The following ST6GALNAC3 variants were observed in gnomAD, a reference collection of about 807,000 sequenced individuals.
ST6GALNAC3 encodes the protein alpha-N-acetylgalactosaminide alpha-2,6-sialyltransferase 3.
ST6GALNAC3 carries 25 observed loss-of-function variants against 32.7 expected under a neutral mutation model. The observed-to-expected ratio is 0.76, with a 90% confidence interval of 0.56 to 1.07. ST6GALNAC3 has a LOEUF of 1.07. Among genes scored for constraint, ST6GALNAC3 ranks in the 50% least tolerant of loss-of-function variants. The probability of loss-of-function intolerance (pLI) is 0.00; values close to 1 mark genes in which losing one functional copy is unlikely to be tolerated. For missense variants in ST6GALNAC3, 355 were observed against 382.4 expected (o/e 0.93, Z 0.60); for synonymous variants, 129 against 133.1 (o/e 0.97, Z 0.21).
chr1:76,629,664 G>T lies in ST6GALNAC3; in HGVS notation c.*858G>T. The stretch of plus-strand genomic sequence containing the variant: ...TATACTGTGAAAACATTCCTAAAAA[G>T]TAACCAAAGGGTTTGCTAACTCTGC... On this transcript the variant is annotated 3_prime_UTR_variant, in exon 5 of 5. Coordinates refer to ENST00000328299, the MANE Select transcript of ST6GALNAC3 (RefSeq NM_152996.4). The T allele has an allele frequency of 1.0e-6, 1 of 985,424 alleles. No individual in the cohort carries two copies. 61.0% of individuals were successfully genotyped at this position (985,424 alleles called of 1,614,324 possible).
At chr1:76,124,680 T>A (rs1649128726) in intron 1 of ST6GALNAC3, among the ~76,000 whole-genome samples, 1 of 152,204 alleles carries the variant, frequency 6.6e-6, no homozygotes, top group African/African-American at 2.4e-5. Flanking sequence ...TCCCAGTCTT[T>A]CTTTATGTGG....
chr1:76,341,606 T>TTTCTTTCTTTCTTTCTTTCC (rs1647981296), intron 2 of ST6GALNAC3, among the ~76,000 whole-genome samples: 1 of 35,292 alleles, frequency 2.8e-5, no homozygotes, highest in Non-Finnish European at 5.6e-5. Flanking sequence ...CCAAACTGCT[T>TTTCTTTCTTTCTTTCTTTCC]TTCTTTCTTT....
chr1:76,118,350 T>C (rs1648627680), intron 1 of ST6GALNAC3, among the ~76,000 whole-genome samples: 1 of 152,254 alleles, frequency 6.6e-6, no homozygotes, highest in Admixed American at 6.5e-5. Flanking sequence ...TGCTATTTGC[T>C]CTTTTACCTT....
chr1:76,425,034 A>T (rs1455472509), intron 3 of ST6GALNAC3, among the ~76,000 whole-genome samples: 1 of 151,974 alleles, frequency 6.6e-6, no homozygotes, highest in Non-Finnish European at 1.5e-5. Context: ...TCGTTTTATG[A>T]TTTTGCAGAT....
At chr1:76,388,561 T>C (rs1381376610) in intron 2 of ST6GALNAC3, among the ~76,000 whole-genome samples, 1 of 152,194 alleles carries the variant, frequency 6.6e-6, no homozygotes, top group Non-Finnish European at 1.5e-5. Flanking sequence ...GTTGTTACTA[T>C]GGAAAGGACT....
chr1:76,138,547 A>T (rs988922966), intron 1 of ST6GALNAC3, among the ~76,000 whole-genome samples: 13 of 152,186 alleles, frequency 8.5e-5, no homozygotes, highest in Non-Finnish European at 1.5e-5. Flanking sequence ...TGCAGTTCCC[A>T]TGCTCTTCCC....
chr1:76,465,730 G>T (rs553731082), intron 3 of ST6GALNAC3, among the ~76,000 whole-genome samples: 13 of 152,004 alleles, frequency 8.6e-5, no homozygotes, highest in African/African-American at 3.1e-4. Flanking sequence ...AATGTAATTG[G>T]TAGACAGATT....
At chr1:76,197,155 C>A (rs898202867) in intron 1 of ST6GALNAC3, among the ~76,000 whole-genome samples, 1 of 152,214 alleles carries the variant, frequency 6.6e-6, no homozygotes, top group East Asian at 1.9e-4. Context: ...ATCATTGCCA[C>A]TTTTCTGAAC....
intron 2 of ST6GALNAC3, among the ~76,000 whole-genome samples, chr1:76,373,003 G>A (rs1650951125): frequency 6.6e-6 from 1 of 151,652 alleles, no homozygotes; most frequent in Admixed American, 6.6e-5. Context: ...TGCTATGTTG[G>A]CCAGGCTGGT....
chr1:76,594,252 A>C (rs1279635995), intron 3 of ST6GALNAC3, among the ~76,000 whole-genome samples: 1 of 152,192 alleles, frequency 6.6e-6, no homozygotes, highest in African/African-American at 2.4e-5. Flanking sequence ...TTTTAGAGAC[A>C]TAGCAGTCTC....
intron 3 of ST6GALNAC3, among the ~76,000 whole-genome samples, chr1:76,505,497 T>A (rs560723074): frequency 1.3e-5 from 2 of 152,296 alleles, no homozygotes; most frequent in East Asian, 3.9e-4. Context: ...TTGTCCTACA[T>A]CATCAATTAT....
chr1:76,380,195 T>G (rs1268298502), intron 2 of ST6GALNAC3, among the ~76,000 whole-genome samples: 3 of 152,170 alleles, frequency 2.0e-5, no homozygotes, highest in Non-Finnish European at 4.4e-5. Flanking sequence ...GATTGTGGGA[T>G]GAGCAATGAA....
At chr1:76,622,584 G>A (rs1287715983) in intron 3 of ST6GALNAC3, among the ~76,000 whole-genome samples, 1 of 151,776 alleles carries the variant, frequency 6.6e-6, no homozygotes, top group Non-Finnish European at 1.5e-5. Flanking sequence ...GGAACAGAGG[G>A]GAATCTGATA....
chr1:76,190,651 T>C (rs979759522), intron 1 of ST6GALNAC3, among the ~76,000 whole-genome samples: 7 of 152,168 alleles, frequency 4.6e-5, no homozygotes, highest in Non-Finnish European at 7.3e-5. Context: ...GGTTCCATCA[T>C]TGGTTGCAAA....
intron 1 of ST6GALNAC3, among the ~76,000 whole-genome samples, chr1:76,227,425 T>C (rs1410894128): frequency 2.0e-5 from 3 of 152,206 alleles, no homozygotes. Context: ...TTCAATTTCC[T>C]TCTAGACAGT....
At position 76,427,560 on chromosome 1, in the gene ST6GALNAC3, T is replaced by G. The variant is rs143382516; in HGVS notation, c.623+15143T>G. ...TATCTCCAAACTATATGAGTACATA[T>G]CTATCGAGAACCTGGACCAACAGTT... On this transcript the variant is annotated intron_variant, in intron 3 of 4. Transcript: ENST00000328299. Among the ~76,000 whole-genome samples, 595 of 152,210 alleles carry G rather than the reference T, an allele frequency of 3.9e-3. 2 individuals are homozygous for G. The highest frequency in any genetic ancestry group is 0.014 in the African/African-American group (575 of 41,548).
At chr1:76,363,308 A>C (rs761793087) in intron 2 of ST6GALNAC3, among the ~76,000 whole-genome samples, 4 of 152,200 alleles carry the variant, frequency 2.6e-5, no homozygotes, top group Non-Finnish European at 5.9e-5. Flanking sequence ...TCCCTGGAGC[A>C]GGGGCACAAT....
chr1:76,126,552 G>A (rs908843866), intron 1 of ST6GALNAC3, among the ~76,000 whole-genome samples: 2 of 151,838 alleles, frequency 1.3e-5, no homozygotes, highest in Non-Finnish European at 2.9e-5. Flanking sequence ...TCTTAATCAA[G>A]TGAACATCTT....
intron 1 of ST6GALNAC3, among the ~76,000 whole-genome samples, chr1:76,311,272 CT>C (rs923953219): frequency 3.6e-4 from 29 of 81,594 alleles, no homozygotes; most frequent in African/African-American, 1.1e-3. Context: ...CCCACCCCGC[CT>C]TTTTTTTCTT....
Sources: gnomAD v4.1 joint callset for allele counts (sites outside exome capture counted in the v4.1 genomes callset) on GRCh38, gnomAD v4.1.1 for gene constraint, MANE v1.5 for transcripts, NCBI Gene and HGNC (gene_info 2026-07-23, HGNC 2026-07-21) for gene names.